Variants in PCGF2 observed in about 807,000 individuals in gnomAD.
PCGF2 encodes the protein polycomb group RING finger protein 2.
A neutral mutation model predicts 36.1 loss-of-function variants in PCGF2; 8 were observed. The ratio of observed to expected loss-of-function variants is 0.22; its 90% CI spans 0.13 to 0.40. The LOEUF (loss-of-function observed/expected upper bound fraction) is 0.40. Among genes scored for constraint, PCGF2 ranks in the 10% least tolerant of loss-of-function variants. The pLI, the probability that PCGF2 is intolerant of heterozygous loss-of-function variation, is 1.00. For missense variants in PCGF2, 436 were observed against 475.9 expected, an observed-to-expected ratio of 0.92 and a Z score of 0.78; for synonymous variants, 198 against 191.2, an observed-to-expected ratio of 1.04 and a Z score of -0.29.
upstream of PCGF2, chr17:38,748,526 C>G (rs1473506673): frequency 6.6e-5 from 10 of 152,354 alleles, no homozygotes. Flanking sequence ...CTGGCGCGGC[C>G]GCTCCCCGCC....
intron 10 of PCGF2, 83 bp from the exon 11 acceptor site, chr17:38,735,683 C>T (rs1349185913): frequency 1.4e-6 from 2 of 1,447,456 alleles, no homozygotes; most frequent in Non-Finnish European, 9.1e-7. Flanking sequence ...ACCATCTCCA[C>T]CCCACAGTGT....
At position 38,739,348 on chromosome 17, in the gene PCGF2, C is replaced by T; in HGVS notation, c.210-95G>A. ...CAGCCAGGGTACCCCTCTTCCCACC[C>T]CCTTCCTGAGACCGGTGCCCAGGCA... On this transcript the variant is annotated intron_variant, in intron 4 of 10. Transcript: ENST00000620225. The surrounding 1 kb of genome is among the most constrained non-coding windows in gnomAD (Gnocchi z 4.0). 8.5e-7 allele frequency: 1 copy of T among 1,183,146 alleles called. No homozygotes were observed. Among genetic ancestry groups the T allele is most frequent in the Non-Finnish European group, 1.3e-6 (1 of 796,788 alleles). 73.3% of individuals were successfully genotyped at this position (1,183,146 alleles called of 1,614,324 possible).
chr17:38,735,718 T>TG, intron 10 of PCGF2, 118 bp from the exon 11 acceptor site: 1 of 1,338,884 alleles, frequency 7.5e-7, no homozygotes, highest in Non-Finnish European at 9.9e-7. Flanking sequence ...AGGGATGGGA[T>TG]GGGGCCTTGG....
intron 2 of PCGF2, among the ~76,000 whole-genome samples, chr17:38,741,318 T>G (rs1907190382): frequency 6.6e-6 from 1 of 152,056 alleles, no homozygotes; most frequent in African/African-American, 2.4e-5. Context: ...CCGTATTCAC[T>G]CACATGGTCC....
In PCGF2 at chr17:38,740,397, A is replaced by G. The variant is rs1424643045; in HGVS notation, c.6T>C (p.His2=). 6.9e-6 allele frequency: 5 copies of G among 723,292 alleles called. No individual in the cohort carries two copies. The highest frequency in any genetic ancestry group is 1.1e-5 in the Non-Finnish European group (5 of 457,476). 44.8% of individuals were successfully genotyped at this position (723,292 alleles called of 1,614,324 possible). The change falls in exon 3 of 11, where the codon CAT becomes CAC. Residue 2 remains histidine (H), a synonymous_variant. Coordinates refer to ENST00000620225, the MANE Select transcript of PCGF2 (RefSeq NM_007144.3). M[H]RTTRIKITEL... is the part of the protein sequence containing the mutation. ...CTGTGATTTTGATCCGTGTAGTCCG[A>G]TGCATGATTCCGGGGTCGGGGGTGG...
At chr17:38,736,810 G>A (rs1247648158) in intron 9 of PCGF2, among the ~76,000 whole-genome samples, 2 of 151,674 alleles carry the variant, frequency 1.3e-5, no homozygotes, top group African/African-American at 4.9e-5. Flanking sequence ...CTCCAGCCTG[G>A]GCGACAGAGC....
chr17:38,737,459 A>C (rs964363538), intron 9 of PCGF2, among the ~76,000 whole-genome samples: 1 of 152,102 alleles, frequency 6.6e-6, no homozygotes, highest in African/African-American at 2.4e-5. Context: ...GGGAAACAAA[A>C]AAAGCAAAAA....
Position 38,736,180 on chromosome 17 carries a change from G to A in PCGF2, c.577-10C>T. The A allele has an allele frequency of 1.3e-6, 2 of 1,554,374 alleles. No homozygotes were observed. The highest frequency in any genetic ancestry group is 1.7e-6 in the Non-Finnish European group (2 of 1,145,398). On this transcript the variant is annotated splice_polypyrimidine_tract_variant and intron_variant, in intron 9 of 10. Coordinates refer to ENST00000620225, the MANE Select transcript of PCGF2 (RefSeq NM_007144.3). The stretch of plus-strand genomic sequence containing the variant: ...CGTACAGAACCTCCACCTGGGGGAG[G>A]GAAGCGGAGGACACCATGACCCTGG...
chr17:38,740,582 A>G (rs184456592), intron 2 of PCGF2, 140 bp from the exon 3 acceptor site: 3 of 584,360 alleles, frequency 5.1e-6, no homozygotes, highest in South Asian at 2.1e-5. Flanking sequence ...ACATGGTGAA[A>G]CCCCATCTCT....
At chr17:38,737,892 C>T (rs951651242) in intron 9 of PCGF2, among the ~76,000 whole-genome samples, 5 of 121,322 alleles carry the variant, frequency 4.1e-5, no homozygotes, top group African/African-American at 1.6e-4. Flanking sequence ...AGCCTGGTGA[C>T]AGAGCAAGAC....
Position 38,738,773 on chromosome 17 carries a change from G to A in PCGF2, c.405C>T (p.Ile135=), listed in dbSNP as rs776767435. 2.5e-5 allele frequency: 41 copies of A among 1,613,674 alleles called. No individual in the cohort carries two copies. The highest frequency in any genetic ancestry group is 3.3e-5 in the Admixed American group (2 of 60,006). The change falls in exon 7 of 11, where the codon ATC becomes ATT. Residue 135 remains isoleucine (I), a synonymous_variant. Transcript: ENST00000620225. ...LSDDEIVSLS[I]EFYEGARDRD... ...CTTGCCTGGCACCTTCGTAGAATTC[G>A]ATGGAGAGGCTGACAATCTCATCAT... is the stretch of plus-strand genomic sequence containing the variant.
In PCGF2 at chr17:38,738,826, A is replaced by G. The variant is rs558800644; in HGVS notation, c.352T>C (p.Leu118=). The G allele has an allele frequency of 8.2e-5, 132 of 1,614,110 alleles. No individual in the cohort carries two copies. In the South Asian group the frequency reaches 1.2e-3, roughly 15 times the overall value. ...CTCAGAGCCCCCTTCTCCTGCTCCA[A>G]GACCTCGCCGCGGTCCTCATTGGAG... is the stretch of plus-strand genomic sequence containing the variant. ...NGSNEDRGEV[L]EQEKGALSDD... is the part of the protein sequence containing the mutation. Residue 118 remains leucine, a synonymous_variant, in exon 7 of 11, where the codon TTG becomes CTG. Transcript: ENST00000620225.
intron 2 of PCGF2, among the ~76,000 whole-genome samples, chr17:38,745,460 G>A (rs955742083): frequency 1.3e-5 from 2 of 152,140 alleles, no homozygotes; most frequent in African/African-American, 4.8e-5. Flanking sequence ...AGTGGAGATC[G>A]TGCCACTGCA....
intron 2 of PCGF2, among the ~76,000 whole-genome samples, chr17:38,745,103 CGGGCGGATCATGA>C (rs1907454180): frequency 6.6e-6 from 1 of 152,174 alleles, no homozygotes; most frequent in Non-Finnish European, 1.5e-5. Flanking sequence ...GAGGCCAAGA[CGGGCGGATCATGA>C]GGTCAGGAGA....
At chr17:38,736,461 C>A (rs1249238223) in intron 9 of PCGF2, among the ~76,000 whole-genome samples, 1 of 152,182 alleles carries the variant, frequency 6.6e-6, no homozygotes, top group Admixed American at 6.5e-5. Flanking sequence ...CCCAGAGGAG[C>A]TGAAAAGGCT....
upstream of PCGF2, chr17:38,749,256 G>T (rs1907764356): frequency 5.3e-6 from 1 of 189,908 alleles, no homozygotes; most frequent in African/African-American, 2.4e-5. This position sits in a 1 kb window ranked among gnomAD's most constrained non-coding sequence, Gnocchi z 6.5. Flanking sequence ...TTTCGCTCGC[G>T]CCCTGCGCTG....
chr17:38,740,437 G>A lies in PCGF2; in HGVS notation c.-35C>T, dbSNP rs779350825. 1.0e-4 allele frequency: 157 copies of A among 1,530,152 alleles called. No individual in the cohort carries two copies. The highest frequency in any genetic ancestry group is 1.4e-4 in the Non-Finnish European group (153 of 1,122,346). The allele number at this position is 1,530,152 out of a possible 1,614,324, so 94.8% of individuals were successfully genotyped here. On this transcript the variant is annotated 5_prime_UTR_variant, in exon 3 of 11. The change creates a new upstream start codon in the 5' untranslated region. Transcript: ENST00000620225. ...GTCGGGGGTGGGGGGACTGGGGAGCGTTGCCCTGGGAAACGGAAGTGGAAT... is the reference window on the plus strand; with the variant it reads ...GTCGGGGGTGGGGGGACTGGGGAGCATTGCCCTGGGAAACGGAAGTGGAAT...
At chr17:38,749,634 G>C, upstream of PCGF2, 1 of 455,986 alleles carries the variant, frequency 2.2e-6, no homozygotes, top group East Asian at 6.9e-5. The surrounding 1 kb of genome is among the most constrained non-coding windows in gnomAD (Gnocchi z 6.5). Flanking sequence ...GGAGGCTCGA[G>C]TTAGAAATTA....
At position 38,735,441 on chromosome 17, in the gene PCGF2, A is replaced by T; in HGVS notation, c.817T>A (p.Ser273Thr). ...GTGGCTGGGCTGGGCAGGGAGGAGGAGGTGGCTGGCAGGGTGGCAGGGCTG... is the reference window on the plus strand; with the variant it reads ...GTGGCTGGGCTGGGCAGGGAGGAGGTGGTGGCTGGCAGGGTGGCAGGGCTG... ...APSPATLPAT[S>T]SSLPSPATPS... The change falls in exon 11 of 11, where the codon TCC (serine) becomes ACC (threonine). Residue 273 changes from serine (S) to threonine (T), a missense_variant. Physicochemically the swap from Ser to Thr is moderately conservative, Grantham distance 58 (BLOSUM62 1). This residue lies in a region of PCGF2 where 227 missense variants were observed against 212.9 expected (regional missense o/e 1.07). Transcript: ENST00000620225. 6.3e-7 allele frequency: 1 copy of T among 1,584,164 alleles called. No individual in the cohort carries two copies. The highest frequency in any genetic ancestry group is 2.3e-5 in the East Asian group (1 of 43,338).
Sources: allele counts gnomAD v4.1 joint callset (sites outside exome capture counted in the v4.1 genomes callset), GRCh38; gene constraint gnomAD v4.1.1; regional missense constraint gnomAD v4.1.1; non-coding constraint Gnocchi (gnomAD v3.1); transcripts MANE v1.5; gene names NCBI Gene and HGNC (gene_info 2026-07-23, HGNC 2026-07-21).